Variants in BICD1 observed in about 807,000 individuals in gnomAD.
The protein encoded by BICD1 is protein bicaudal D homolog 1.
A neutral mutation model predicts 92.5 loss-of-function variants in BICD1; 35 were observed. The ratio of observed to expected loss-of-function variants is 0.38; its 90% CI spans 0.29 to 0.50. BICD1 has a LOEUF of 0.50. BICD1 is among the 20% of genes least tolerant of loss of function. The pLI is 0.93. For missense variants in BICD1, 950 were observed against 1,189.8 expected (o/e 0.80, Z 2.97); for synonymous variants, 429 against 465.1 (o/e 0.92, Z 1.00).
intron 1 of BICD1, among the ~76,000 whole-genome samples, chr12:32,140,385 A>AT (rs950232078): frequency 3.9e-5 from 6 of 152,182 alleles, no homozygotes; most frequent in East Asian, 1.9e-4. Flanking sequence ...GCAAAGGTGG[A>AT]TTTTTTTTCC....
chr12:32,202,003 A>G (rs1373188949), intron 1 of BICD1, among the ~76,000 whole-genome samples: 1 of 152,228 alleles, frequency 6.6e-6, no homozygotes, highest in Admixed American at 6.5e-5. Flanking sequence ...CTAGCTTTTA[A>G]CACAGCCAGA....
intron 3 of BICD1, among the ~76,000 whole-genome samples, chr12:32,302,934 T>TC (rs1948100706): frequency 6.8e-6 from 1 of 147,266 alleles, no homozygotes; most frequent in South Asian, 2.2e-4. Flanking sequence ...TGTATTTCTT[T>TC]TTTTTTTTTT....
chr12:32,184,339 T>A (rs1426815506), intron 1 of BICD1, among the ~76,000 whole-genome samples: 1 of 152,126 alleles, frequency 6.6e-6, no homozygotes. Flanking sequence ...CAGGCTGGAG[T>A]GCAGTGGCGC....
chr12:32,261,062 G>A (rs1223338300), intron 2 of BICD1, among the ~76,000 whole-genome samples: 2 of 152,228 alleles, frequency 1.3e-5, no homozygotes, highest in African/African-American at 4.8e-5. Flanking sequence ...AGTGAGTCCT[G>A]TTGTACAGGA....
chr12:32,243,244 C>T (rs1344757245), intron 2 of BICD1, among the ~76,000 whole-genome samples: 4 of 149,002 alleles, frequency 2.7e-5, no homozygotes, highest in South Asian at 2.2e-4. Flanking sequence ...ATTACAGGCA[C>T]GCCCCACCAT....
rs1286876911 is a variant in BICD1 at position 32,180,004 on chromosome 12, A to AAAG, written c.214-36241_214-36240insGAA. 2.1e-3 allele frequency among the ~76,000 whole-genome samples: 323 copies of AAAG among 151,480 alleles called. 2 individuals carry two copies. Among genetic ancestry groups the AAAG allele is most frequent in the Non-Finnish European group, 4.0e-3 (268 of 67,724 alleles). On this transcript the variant is annotated intron_variant, in intron 1 of 9. Transcript: ENST00000652176. ...GACACGCTCTCAAAAAAAAAAAAAA[A>AAAG]AAAATTGGCATGAGACTAAAGAGGA...
intron 1 of BICD1, among the ~76,000 whole-genome samples, chr12:32,213,181 C>T (rs139033762): frequency 5.3e-5 from 8 of 152,204 alleles, no homozygotes; most frequent in African/African-American, 1.9e-4. Flanking sequence ...ACAACACTTA[C>T]TTGTCACGTC....
At chr12:32,226,121 A>G (rs962019514) in intron 2 of BICD1, among the ~76,000 whole-genome samples, 1 of 151,830 alleles carries the variant, frequency 6.6e-6, no homozygotes, top group Admixed American at 6.6e-5. Context: ...TTCCTAGGTA[A>G]GTTTTTTTGT....
chr12:32,346,068 G>C (rs1400037342), intron 8 of BICD1, among the ~76,000 whole-genome samples: 3 of 152,222 alleles, frequency 2.0e-5, no homozygotes, highest in African/African-American at 7.2e-5. Context: ...AGGATTGCTT[G>C]AGCCCAGGAG....
chr12:32,270,816 A>G (rs922598357), intron 2 of BICD1, among the ~76,000 whole-genome samples: 2 of 152,204 alleles, frequency 1.3e-5, no homozygotes, highest in African/African-American at 4.8e-5. Context: ...CAGGGCAGGC[A>G]AAAATACATC....
intron 2 of BICD1, among the ~76,000 whole-genome samples, chr12:32,255,348 T>C (rs1946687689): frequency 6.6e-6 from 1 of 152,024 alleles, no homozygotes; most frequent in African/African-American, 2.4e-5. Context: ...ACATAGGAGT[T>C]TGGGGGAACT....
chr12:32,182,674 AT>A (rs1944310441), intron 1 of BICD1, among the ~76,000 whole-genome samples: 1 of 151,760 alleles, frequency 6.6e-6, no homozygotes. Flanking sequence ...GCTGTCTGGC[AT>A]TGTGCATAAT....
At chr12:32,137,933 G>A (rs1311268842) in intron 1 of BICD1, among the ~76,000 whole-genome samples, 3 of 152,086 alleles carry the variant, frequency 2.0e-5, no homozygotes, top group African/African-American at 2.4e-5. Flanking sequence ...AAGTAGCTGG[G>A]ATTACAGGCA....
chr12:32,121,032 G>A (rs1025642569), intron 1 of BICD1, among the ~76,000 whole-genome samples: 1 of 146,330 alleles, frequency 6.8e-6, no homozygotes, highest in African/African-American at 2.6e-5. Flanking sequence ...GCAGTGGCGT[G>A]ATCTCAGCTC....
At chr12:32,352,151 GC>G (rs1329182711) in intron 8 of BICD1, among the ~76,000 whole-genome samples, 1 of 152,042 alleles carries the variant, frequency 6.6e-6, no homozygotes, top group Non-Finnish European at 1.5e-5. Context: ...GTTGCAGTGA[GC>G]CGAGATCGTG....
At chr12:32,146,906 T>C (rs991693028) in intron 1 of BICD1, among the ~76,000 whole-genome samples, 81 of 147,064 alleles carry the variant, frequency 5.5e-4, no homozygotes, top group African/African-American at 1.9e-3. Flanking sequence ...TTCTTCTTTC[T>C]CTTCTTCTTC....
At chr12:32,345,322 T>G (rs571483415) in intron 8 of BICD1, among the ~76,000 whole-genome samples, 3 of 151,694 alleles carry the variant, frequency 2.0e-5, no homozygotes, top group Non-Finnish European at 4.4e-5. Flanking sequence ...CACAAAATTG[T>G]CAACCACATG....
At chr12:32,137,500 G>C (rs912930216) in intron 1 of BICD1, among the ~76,000 whole-genome samples, 11 of 152,176 alleles carry the variant, frequency 7.2e-5, no homozygotes, top group African/African-American at 2.2e-4. Flanking sequence ...TTTACAAAGA[G>C]AATCATAGCA....
At chr12:32,347,677 T>G (rs1364616762) in intron 8 of BICD1, among the ~76,000 whole-genome samples, 1 of 151,984 alleles carries the variant, frequency 6.6e-6, no homozygotes, top group Admixed American at 6.6e-5. Flanking sequence ...TATATACCCT[T>G]TTCATACATC....
Sources: gnomAD v4.1 joint callset for allele counts (sites outside exome capture counted in the v4.1 genomes callset) on GRCh38, gnomAD v4.1.1 for gene constraint, MANE v1.5 for transcripts, NCBI Gene and HGNC (gene_info 2026-07-23, HGNC 2026-07-21) for gene names.